NIBAN1: variants seen among roughly 807,000 people sequenced by gnomAD.
The protein encoded by NIBAN1 is protein Niban 1.
Under a neutral mutation model 75.1 loss-of-function variants are expected in NIBAN1, and 81 were observed. That is an observed-to-expected ratio of 1.08 (90% CI 0.90 to 1.30). The LOEUF is 1.30. NIBAN1 is among the 50% of genes most tolerant of loss of function. NIBAN1 has a pLI of 0.00. For missense variants in NIBAN1, 1,133 were observed against 1,128.1 expected (o/e 1.00, Z -0.06); for synonymous variants, 436 against 424.8 (o/e 1.03, Z -0.32).
chr1:184,932,149 G>A (rs1657840106), intron 1 of NIBAN1, among the ~76,000 whole-genome samples: 1 of 152,208 alleles, frequency 6.6e-6, no homozygotes, highest in African/African-American at 2.4e-5. Flanking sequence ...CCAGGAACAA[G>A]TTTCATAGAA....
At chr1:184,835,570 G>T (rs1257029933) in intron 5 of NIBAN1, among the ~76,000 whole-genome samples, 1 of 152,118 alleles carries the variant, frequency 6.6e-6, no homozygotes, top group Non-Finnish European at 1.5e-5. Context: ...TCCCTTGTAA[G>T]TTGGATTCCT....
At chr1:184,845,297 G>T (rs1655407419) in intron 5 of NIBAN1, among the ~76,000 whole-genome samples, 1 of 152,154 alleles carries the variant, frequency 6.6e-6, no homozygotes, top group Non-Finnish European at 1.5e-5. Flanking sequence ...AGTTCAAGGA[G>T]CATCTTGTTT....
At chr1:184,879,916 C>A (rs1449837734) in intron 5 of NIBAN1, among the ~76,000 whole-genome samples, 1 of 152,174 alleles carries the variant, frequency 6.6e-6, no homozygotes, top group East Asian at 1.9e-4. Flanking sequence ...TGCAGAGTGT[C>A]TTTATATTGT....
rs1387283607 is a variant in NIBAN1 at position 184,794,961 on chromosome 1, A to C, written c.*16T>G. ...TTGGCTTTTTTCAGAGAAAGACTTCAGCCAAATTGTCCCTTTCACTCCTCT... is the reference window on the plus strand; with the variant it reads ...TTGGCTTTTTTCAGAGAAAGACTTCCGCCAAATTGTCCCTTTCACTCCTCT... On this transcript the variant is annotated 3_prime_UTR_variant, in exon 14 of 14. Coordinates refer to ENST00000367511, the MANE Select transcript of NIBAN1 (RefSeq NM_052966.4). 1 of 1,605,646 alleles carries C rather than the reference A, an allele frequency of 6.2e-7. No individual in the cohort carries two copies. Among genetic ancestry groups the C allele is most frequent in the Admixed American group, 1.7e-5 (1 of 60,024 alleles).
chr1:184,806,168 C>A (rs1012294512), intron 10 of NIBAN1, 112 bp from the exon 11 acceptor site: 5 of 742,372 alleles, frequency 6.7e-6, no homozygotes, highest in Admixed American at 2.7e-5. Context: ...TGAGTCCCCT[C>A]GGCTGCTATT....
rs937852829 is a variant in NIBAN1, at chr1:184,864,627, TA to T, written c.601+20005del. Among the ~76,000 whole-genome samples the T allele has an allele frequency of 1.3e-3, 192 of 150,140 alleles. 1 individual carries two copies. Among genetic ancestry groups the T allele is most frequent in the Non-Finnish European group, 1.6e-3 (105 of 67,442 alleles). On this transcript the variant is annotated intron_variant, in intron 5 of 13. Transcript: ENST00000367511. ...AGTGTTACAGTCACCAAGGTGACTG[TA>T]AAAAAAAATACGTAAAATGAAAATA... is the stretch of plus-strand genomic sequence containing the variant.
intron 5 of NIBAN1, among the ~76,000 whole-genome samples, chr1:184,870,171 A>G (rs912547092): frequency 6.6e-6 from 1 of 152,230 alleles, no homozygotes; most frequent in Non-Finnish European, 1.5e-5. Context: ...GCAGTGGTTG[A>G]TAGATTACAA....
At chr1:184,829,261 A>G (rs1216636100) in intron 6 of NIBAN1, among the ~76,000 whole-genome samples, 1 of 152,046 alleles carries the variant, frequency 6.6e-6, no homozygotes, top group Non-Finnish European at 1.5e-5. Flanking sequence ...ATCTCCATCT[A>G]TATAGAGACC....
intron 5 of NIBAN1, among the ~76,000 whole-genome samples, chr1:184,862,311 CTT>C (rs555669734): frequency 1.4e-5 from 2 of 145,348 alleles, no homozygotes; most frequent in Non-Finnish European, 3.0e-5. Flanking sequence ...GTTTTTCATA[CTT>C]TTTTTTTTTT....
Position 184,811,739 on chromosome 1 carries a change from G to A in NIBAN1, c.1174-3504C>T, listed in dbSNP as rs544239535. Among the ~76,000 whole-genome samples, 286 of 152,082 alleles carry A rather than the reference G, an allele frequency of 1.9e-3. 2 individuals are homozygous for A. Among genetic ancestry groups the A allele is most frequent in the African/African-American group, 6.5e-3 (271 of 41,486 alleles). On this transcript the variant is annotated intron_variant, in intron 9 of 13. Coordinates refer to ENST00000367511, the MANE Select transcript of NIBAN1 (RefSeq NM_052966.4). ...GATTTCCCGACCTCACGATCCGCCC[G>A]CCTCGGCCTCCCAAAGTGCCAGGAT...
rs111914779 is a variant in NIBAN1 at position 184,899,250 on chromosome 1, C to T, written c.115G>A (p.Ala39Thr). 1.4e-4 allele frequency: 224 copies of T among 1,613,944 alleles called. 1 individual carries two copies. In the African/African-American group the frequency reaches 2.8e-3, roughly 20 times the overall value. Residue 39 changes from alanine (A) to threonine (T), a missense_variant, in exon 2 of 14, where the codon GCT becomes ACT. Coordinates refer to ENST00000367511, the MANE Select transcript of NIBAN1 (RefSeq NM_052966.4). ...SPYYSRQYSVAFCNHVRTEVE... is the reference protein window; with the variant it reads ...SPYYSRQYSVTFCNHVRTEVE... ...TCAGTGCGCACGTGATTGCAGAAAG[C>T]CACAGAGTACTGACGACTGTAGTAG... is the stretch of plus-strand genomic sequence containing the variant.
chr1:184,878,818 C>T (rs559585354), intron 5 of NIBAN1, among the ~76,000 whole-genome samples: 1 of 152,272 alleles, frequency 6.6e-6, no homozygotes, highest in South Asian at 2.1e-4. Flanking sequence ...GGTTCTCAGC[C>T]ACTAACTAGC....
intron 4 of NIBAN1, among the ~76,000 whole-genome samples, chr1:184,889,012 T>C (rs6662843): frequency 0.099 from 15,146 of 152,226 alleles, 2,371 homozygotes; most frequent in African/African-American, 0.33. Context: ...AAAATGATTA[T>C]GTTTTTCTCC....
chr1:184,885,777 A>G (rs998509614), intron 4 of NIBAN1, among the ~76,000 whole-genome samples: 1 of 152,198 alleles, frequency 6.6e-6, no homozygotes, highest in East Asian at 1.9e-4. Flanking sequence ...CTGCCAGCCT[A>G]TGGCTGCTTC....
At chr1:184,874,998 A>G (rs1656196738) in intron 5 of NIBAN1, among the ~76,000 whole-genome samples, 1 of 152,208 alleles carries the variant, frequency 6.6e-6, no homozygotes, top group Admixed American at 6.5e-5. Context: ...TCCACAGTGC[A>G]ATTAAGCTAG....
At chr1:184,906,456 C>T (rs1208007556) in intron 1 of NIBAN1, among the ~76,000 whole-genome samples, 2 of 151,860 alleles carry the variant, frequency 1.3e-5, no homozygotes, top group African/African-American at 4.8e-5. Context: ...CATGGAGAAA[C>T]CCCGTCCCTA....
chr1:184,825,452 C>A (rs901726647), intron 6 of NIBAN1, among the ~76,000 whole-genome samples: 5 of 151,070 alleles, frequency 3.3e-5, no homozygotes, highest in Non-Finnish European at 5.9e-5. Flanking sequence ...AGGCAATAAC[C>A]AATATTTTGG....
At chr1:184,818,521 A>G in intron 9 of NIBAN1, 117 bp downstream of exon 9, 2 of 1,017,254 alleles carry the variant, frequency 2.0e-6, no homozygotes, top group Non-Finnish European at 2.9e-6. Context: ...AGGGAAGGGC[A>G]GAAGAATGGA....
At chr1:184,940,607 T>C (rs1247498711) in intron 1 of NIBAN1, among the ~76,000 whole-genome samples, 1 of 152,222 alleles carries the variant, frequency 6.6e-6, no homozygotes, top group Non-Finnish European at 1.5e-5. Flanking sequence ...ATTTTGGTAG[T>C]GGGCTAGGGG....
Sources: allele counts gnomAD v4.1 joint callset (sites outside exome capture counted in the v4.1 genomes callset), GRCh38; gene constraint gnomAD v4.1.1; transcripts MANE v1.5; gene names NCBI Gene and HGNC (gene_info 2026-07-23, HGNC 2026-07-21).